Variants in ABCC5 observed in about 807,000 individuals in gnomAD.
The protein encoded by ABCC5 is ATP-binding cassette sub-family C member 5.
A neutral mutation model predicts 160.9 loss-of-function variants in ABCC5; 61 were observed. The ratio of observed to expected loss-of-function variants is 0.38; its 90% CI spans 0.31 to 0.47. ABCC5 has a LOEUF of 0.47. ABCC5 is among the 20% of genes least tolerant of loss of function. ABCC5 has a pLI of 0.99. For missense variants in ABCC5, 1,308 were observed against 1,813.3 expected, an observed-to-expected ratio of 0.72 and a Z score of 5.06; for synonymous variants, 666 against 700.6, an observed-to-expected ratio of 0.95 and a Z score of 0.78.
chr3:183,951,916 C>T lies in ABCC5; in HGVS notation c.2755G>A (p.Ala919Thr), dbSNP rs750522507. 3.7e-6 allele frequency: 6 copies of T among 1,614,078 alleles called. No individual in the cohort carries two copies. Among genetic ancestry groups the T allele is most frequent in the Middle Eastern group, 1.7e-4 (1 of 6,058 alleles). The change falls in exon 19 of 30, where the codon GCC becomes ACC. Residue 919 changes from alanine to threonine, a missense_variant. Physicochemically the swap from Ala to Thr is moderately conservative, Grantham distance 58. Transcript: ENST00000334444. This position sits in a 1 kb window ranked among gnomAD's most constrained non-coding sequence, Gnocchi z 4.7. ...PHMQYYASIYALSMAVMLILK... is the reference protein window; with the variant it reads ...PHMQYYASIYTLSMAVMLILK... ...ATCAGCATGACTGCCATGGAGAGGG[C>T]GTAGATGCTGGCATAGTACTGCATA...
intron 26 of ABCC5, among the ~76,000 whole-genome samples, chr3:183,937,439 G>A (rs944037382): frequency 6.6e-6 from 1 of 151,354 alleles, no homozygotes; most frequent in Non-Finnish European, 1.5e-5. Flanking sequence ...AGAATGGAGT[G>A]GGGGGCAGAT....
chr3:183,924,183 T>C (rs947157020), intron 29 of ABCC5, among the ~76,000 whole-genome samples: 4 of 152,062 alleles, frequency 2.6e-5, no homozygotes, highest in Non-Finnish European at 5.9e-5. Flanking sequence ...CACTCCTGGC[T>C]AATTTTTTGT....
chr3:183,992,478 A>G (rs1719853157), intron 2 of ABCC5, among the ~76,000 whole-genome samples: 1 of 152,256 alleles, frequency 6.6e-6, no homozygotes, highest in Non-Finnish European at 1.5e-5. Context: ...GGATGCAGCT[A>G]AAACAGAGAA....
rs1180678403 is a variant in ABCC5 at position 183,983,091 on chromosome 3, T to C, written c.592-84A>G. The C allele has an allele frequency of 8.4e-6, 11 of 1,302,780 alleles. No individual in the cohort carries two copies. In the Admixed American group the frequency reaches 1.8e-4, roughly 21 times the overall value. 80.7% of individuals were successfully genotyped at this position (1,302,780 alleles called of 1,614,324 possible). ...TAGTTTTATGTTAAGTTAGAAAGAG[T>C]AGGCAGCTCCACTCAGGGACCAGTG... On this transcript the variant is annotated intron_variant, in intron 5 of 29. Coordinates refer to ENST00000334444, the MANE Select transcript of ABCC5 (RefSeq NM_005688.4).
Position 183,987,980 on chromosome 3 carries a change from G to T in ABCC5, c.444-63C>A. On this transcript the variant is annotated intron_variant, in intron 4 of 29. Coordinates refer to ENST00000334444, the MANE Select transcript of ABCC5 (RefSeq NM_005688.4). This position sits in a 1 kb window ranked among gnomAD's most constrained non-coding sequence, Gnocchi z 4.2. ...GGGGGAAAGGCACACCTAGCTCCCC[G>T]CCTGCCACCACTTTTTGTCTCCAGG... The T allele has an allele frequency of 6.4e-7, 1 of 1,566,052 alleles. No individual in the cohort carries two copies. Among genetic ancestry groups the T allele is most frequent in the Non-Finnish European group, 8.7e-7 (1 of 1,151,968 alleles).
At chr3:183,968,191 C>G (rs35240483) in intron 11 of ABCC5, among the ~76,000 whole-genome samples, 4 of 151,948 alleles carry the variant, frequency 2.6e-5, no homozygotes, top group African/African-American at 9.7e-5. Flanking sequence ...TACAGTGGTG[C>G]GATCTTGGCT....
At position 184,017,184 on chromosome 3, in the gene ABCC5, T is replaced by G. The variant is rs149713183; in HGVS notation, c.-56+646A>C. On this transcript the variant is annotated intron_variant, in intron 1 of 29. Coordinates refer to ENST00000334444, the MANE Select transcript of ABCC5 (RefSeq NM_005688.4). This position sits in a 1 kb window ranked among gnomAD's most constrained non-coding sequence, Gnocchi z 4.5. ...GTGCAGAAACCAAATGGCCCCTGTG[T>G]GATAAACACAAAGCCACCCGCGGCT... Among the ~76,000 whole-genome samples the G allele has an allele frequency of 2.2e-4, 34 of 152,148 alleles. No individual in the cohort carries two copies. Among genetic ancestry groups the G allele is most frequent in the African/African-American group, 8.2e-4 (34 of 41,506 alleles).
Position 183,964,703 on chromosome 3 carries a change from G to A in ABCC5, c.2031+482C>T, listed in dbSNP as rs116036903. Reference sequence around the variant, plus strand: ...GAGACCTTCAGGGCAATTCATGGGAGACAAGTTTTAACACTGAAGAGCACA... The same window carrying A: ...GAGACCTTCAGGGCAATTCATGGGAAACAAGTTTTAACACTGAAGAGCACA... On this transcript the variant is annotated intron_variant, in intron 14 of 29. Transcript: ENST00000334444. Among the ~76,000 whole-genome samples the A allele has an allele frequency of 5.0e-3, 759 of 152,316 alleles. 11 individuals are homozygous for A. The highest frequency in any genetic ancestry group is 0.017 in the African/African-American group (710 of 41,564).
intron 11 of ABCC5, among the ~76,000 whole-genome samples, chr3:183,969,391 T>C (rs1333217148): frequency 6.6e-6 from 1 of 152,142 alleles, no homozygotes; most frequent in East Asian, 1.9e-4. Context: ...AAAAAGCCTG[T>C]TAGGCGTTAA....
At chr3:183,947,972 C>T (rs890444567) in intron 22 of ABCC5, among the ~76,000 whole-genome samples, 12 of 152,142 alleles carry the variant, frequency 7.9e-5, no homozygotes, top group Non-Finnish European at 7.3e-5. Context: ...GTGCACATGC[C>T]GCCACCATGC....
At chr3:183,953,996 C>A (rs186764095) in intron 17 of ABCC5, among the ~76,000 whole-genome samples, 1 of 152,228 alleles carries the variant, frequency 6.6e-6, no homozygotes, top group Non-Finnish European at 1.5e-5. Context: ...GATATTGCCA[C>A]ACCAGCTGCC....
chr3:183,937,964 G>C lies in ABCC5; in HGVS notation c.3791C>G (p.Ala1264Gly). The C allele has an allele frequency of 6.2e-7, 1 of 1,614,164 alleles. No individual in the cohort carries two copies. Among genetic ancestry groups the C allele is most frequent in the Non-Finnish European group, 8.5e-7 (1 of 1,180,034 alleles). The change falls in exon 26 of 30, where the codon GCC becomes GGC. Residue 1264 changes from alanine (A) to glycine (G), a missense_variant. This residue lies in a region of ABCC5 where 163 missense variants were observed against 269.7 expected (regional missense o/e 0.60). Coordinates refer to ENST00000334444, the MANE Select transcript of ABCC5 (RefSeq NM_005688.4). ...DGVRISDIGL[A>G]DLRSKLSIIP... Reference sequence around the variant, plus strand: ...GATAGAGAGTTTGCTTCGGAGGTCGGCAAGGCCAATATCACTGATTCTCAC... The same window carrying C: ...GATAGAGAGTTTGCTTCGGAGGTCGCCAAGGCCAATATCACTGATTCTCAC...
chr3:183,963,526 G>T lies in ABCC5; in HGVS notation c.2094C>A (p.Ala698=). Residue 698 remains alanine, a synonymous_variant, in exon 15 of 30, where the codon GCC becomes GCA. Coordinates refer to ENST00000334444, the MANE Select transcript of ABCC5 (RefSeq NM_005688.4). This position sits in a 1 kb window ranked among gnomAD's most constrained non-coding sequence, Gnocchi z 4.6. ...GQRQRISLAR[A]LYSDRSIYIL... is the part of the protein sequence containing the mutation. ...TGTAGATGCTCCTGTCACTATACAA[G>T]GCCCGGGCAAGGCTGATCCTCTGGC... 1.2e-6 allele frequency: 2 copies of T among 1,614,194 alleles called. No homozygotes were observed. Among genetic ancestry groups the T allele is most frequent in the Non-Finnish European group, 1.7e-6 (2 of 1,180,046 alleles).
At chr3:183,927,624 G>A in intron 27 of ABCC5, 181 bp from the exon 28 acceptor site, 1 of 985,448 alleles carries the variant, frequency 1.0e-6, no homozygotes, top group Non-Finnish European at 1.2e-6. Flanking sequence ...TTCCAAGGCA[G>A]TCCCTGATTC....
intron 26 of ABCC5, among the ~76,000 whole-genome samples, chr3:183,932,297 G>A (rs1358476015): frequency 6.6e-6 from 1 of 152,094 alleles, no homozygotes; most frequent in Non-Finnish European, 1.5e-5. Flanking sequence ...AGTCAGATTA[G>A]GTGAAAAAAG....
intron 25 of ABCC5, among the ~76,000 whole-genome samples, chr3:183,940,006 C>G (rs115447666): frequency 0.036 from 5,468 of 152,208 alleles, 325 homozygotes; most frequent in African/African-American, 0.12. Flanking sequence ...GGATCTACCC[C>G]CTGGGCATAC....
intron 11 of ABCC5, among the ~76,000 whole-genome samples, 158 bp downstream of exon 11, chr3:183,971,404 GT>G (rs200935493): frequency 1.4e-4 from 21 of 151,242 alleles, no homozygotes; most frequent in Non-Finnish European, 1.5e-4. Context: ...TGCTTAGTTG[GT>G]TTTTTTTTAG....
chr3:184,009,235 A>G (rs28670026), intron 2 of ABCC5, among the ~76,000 whole-genome samples: 1,623 of 152,218 alleles, frequency 0.011, 31 homozygotes, highest in African/African-American at 0.037. Context: ...CTTTCCACAT[A>G]AGAGCCATAG....
At chr3:183,925,798 ATTTCATT>A in intron 28 of ABCC5, 79 bp from the exon 29 acceptor site, 1 of 1,341,478 alleles carries the variant, frequency 7.5e-7, no homozygotes, top group South Asian at 1.4e-5. Context: ...ACTAAAATGT[ATTTCATT>A]TAAGTTTTAC....
Sources: allele counts gnomAD v4.1 joint callset (sites outside exome capture counted in the v4.1 genomes callset), GRCh38; gene constraint gnomAD v4.1.1; regional missense constraint gnomAD v4.1.1; non-coding constraint Gnocchi (gnomAD v3.1); transcripts MANE v1.5; gene names NCBI Gene and HGNC (gene_info 2026-07-23, HGNC 2026-07-21).